CSMD3: variants seen among roughly 807,000 people sequenced by gnomAD.
CSMD3 encodes CUB and Sushi multiple domains 3, also known as CUB and sushi domain-containing protein 3.
CSMD3 carries 177 observed loss-of-function variants against 435.2 expected under a neutral mutation model. The observed-to-expected ratio is 0.41, with a 90% CI of 0.36 to 0.46. The LOEUF (loss-of-function observed/expected upper bound fraction) is 0.46, where lower values mean the gene tolerates loss of function less well. Ranked by LOEUF, CSMD3 falls within the 20% of genes least tolerant of loss-of-function variation. The pLI, the probability that CSMD3 is intolerant of heterozygous loss-of-function variation, is 0.34. For missense variants in CSMD3, 4,265 were observed against 4,504.6 expected (o/e 0.95, Z 1.52); for synonymous variants, 1,656 against 1,520.5 (o/e 1.09, Z -2.07).
chr8:112,398,672 G>A (rs1831058837), intron 35 of CSMD3, among the ~76,000 whole-genome samples: 2 of 152,174 alleles, frequency 1.3e-5, no homozygotes, highest in South Asian at 4.1e-4. Context: ...ATCAGAGCCT[G>A]AGGTTTAAGG....
intron 10 of CSMD3, among the ~76,000 whole-genome samples, chr8:112,907,884 G>A (rs1405888735): frequency 6.6e-6 from 1 of 151,268 alleles, no homozygotes; most frequent in African/African-American, 2.4e-5. Context: ...AATGTGAGAA[G>A]GAATGAACTG....
At position 112,224,692 on chromosome 8, in the gene CSMD3, A is replaced by T; in HGVS notation, c.*79T>A. On this transcript the variant is annotated 3_prime_UTR_variant, in exon 71 of 71. Coordinates refer to ENST00000297405, the MANE Select transcript of CSMD3 (RefSeq NM_198123.2). Reference sequence around the variant, plus strand: ...AGCAAGTCCTGAAAAGTGTGCTTTAATTTGTTTAGCAGTGAACTAAATGTG... The same window carrying T: ...AGCAAGTCCTGAAAAGTGTGCTTTATTTTGTTTAGCAGTGAACTAAATGTG... The T allele has an allele frequency of 6.9e-7, 1 of 1,442,616 alleles. No homozygotes were observed. The highest frequency in any genetic ancestry group is 9.8e-7 in the Non-Finnish European group (1 of 1,023,836). The allele number at this position is 1,442,616 out of a possible 1,614,324, so 89.4% of individuals were successfully genotyped here.
chr8:112,644,821 G>C (rs2074934236), intron 20 of CSMD3, among the ~76,000 whole-genome samples: 1 of 151,982 alleles, frequency 6.6e-6, no homozygotes, highest in Admixed American at 6.6e-5. Flanking sequence ...AAGCCCTCTT[G>C]TTTGAGGTTT....
intron 30 of CSMD3, among the ~76,000 whole-genome samples, chr8:112,500,868 C>T (rs141658764): frequency 3.3e-4 from 49 of 149,810 alleles, no homozygotes; most frequent in African/African-American, 1.2e-3. Flanking sequence ...AAGGAGAAGA[C>T]AATATAGCCC....
chr8:112,937,234 A>T (rs1429947175), intron 9 of CSMD3, among the ~76,000 whole-genome samples: 4 of 151,466 alleles, frequency 2.6e-5, no homozygotes, highest in Admixed American at 6.6e-5. Flanking sequence ...CTTGAAATAT[A>T]TTTTTTTTGT....
rs116844930 is a variant in CSMD3 at position 112,341,450 on chromosome 8, A to G, written c.6652+27T>C. On this transcript the variant is annotated intron_variant, in intron 42 of 70. Transcript: ENST00000297405. The stretch of plus-strand genomic sequence containing the variant: ...TAATAGCTGATTTGGGGTTATATAA[A>G]TTTTCATTTTTTATTATTTCTCTTA... 11,431 of 1,430,874 alleles carry G rather than the reference A, an allele frequency of 8.0e-3. 96 individuals are homozygous for G. Among genetic ancestry groups the G allele is most frequent in the Middle Eastern group, 0.034 (193 of 5,696 alleles). 88.6% of individuals were successfully genotyped at this position (1,430,874 alleles called of 1,614,324 possible). A position where few individuals can be genotyped will look rare whatever the true frequency, so the allele number is the denominator to read the frequency against.
chr8:113,328,157 G>A (rs373149211), intron 1 of CSMD3, among the ~76,000 whole-genome samples: 2 of 152,142 alleles, frequency 1.3e-5, no homozygotes, highest in Admixed American at 6.5e-5. Context: ...TGAAAGATGG[G>A]GCCGGGCGCG....
Position 112,920,995 on chromosome 8 carries a change from G to A in CSMD3, c.1633+632C>T, listed in dbSNP as rs543952081. ...TATATATGTACACACATACGCGCGCGCGCACACACACACACACACACACAC... is the reference window on the plus strand; with the variant it reads ...TATATATGTACACACATACGCGCGCACGCACACACACACACACACACACAC... On this transcript the variant is annotated intron_variant, in intron 10 of 70. Transcript: ENST00000297405. 1.0e-3 allele frequency among the ~76,000 whole-genome samples: 110 copies of A among 108,924 alleles called. 1 individual carries two copies. Among genetic ancestry groups the A allele is most frequent in the African/African-American group, 1.5e-3 (39 of 26,440 alleles). The allele number at this position is 108,924 out of a possible 152,430, so 71.5% of individuals were successfully genotyped here. A position where few individuals can be genotyped will look rare whatever the true frequency, so the allele number is the denominator to read the frequency against.
At chr8:112,740,582 T>C (rs1386448140) in intron 13 of CSMD3, among the ~76,000 whole-genome samples, 4 of 151,858 alleles carry the variant, frequency 2.6e-5, no homozygotes, top group Non-Finnish European at 5.9e-5. Flanking sequence ...TCTGTTAAAT[T>C]ACAAAAAAGA....
chr8:113,064,922 G>T (rs2131378185), intron 5 of CSMD3, among the ~76,000 whole-genome samples: 1 of 152,144 alleles, frequency 6.6e-6, no homozygotes, highest in South Asian at 2.1e-4. Context: ...AAAAATATGT[G>T]TCACAGATTA....
At chr8:112,281,923 C>A (rs566990365) in intron 58 of CSMD3, among the ~76,000 whole-genome samples, 5 of 152,036 alleles carry the variant, frequency 3.3e-5, no homozygotes, top group East Asian at 1.9e-4. Context: ...TATTAGTAAT[C>A]GTTTTCATTA....
At chr8:112,683,375 C>T (rs750140033) in intron 15 of CSMD3, among the ~76,000 whole-genome samples, 16 of 151,932 alleles carry the variant, frequency 1.1e-4, no homozygotes, top group East Asian at 5.8e-4. Context: ...TCCCCTGGAC[C>T]GGATTTTAAT....
intron 11 of CSMD3, among the ~76,000 whole-genome samples, chr8:112,851,510 C>T (rs373545190): frequency 6.6e-6 from 1 of 152,062 alleles, no homozygotes; most frequent in Non-Finnish European, 1.5e-5. Context: ...CTCATGCCTG[C>T]GATCCCAGCA....
chr8:112,304,657 T>A (rs1290223655), intron 52 of CSMD3, 64 bp downstream of exon 52: 3 of 1,213,852 alleles, frequency 2.5e-6, no homozygotes, highest in Non-Finnish European at 3.7e-6. Flanking sequence ...TGAAAGGAAC[T>A]GATTCAAACA....
intron 58 of CSMD3, among the ~76,000 whole-genome samples, chr8:112,281,620 G>A (rs1026288173): frequency 5.3e-5 from 8 of 152,126 alleles, no homozygotes; most frequent in African/African-American, 1.9e-4. Context: ...ATTATTCAAA[G>A]AGTACTGTAT....
chr8:112,975,688 G>T, intron 7 of CSMD3, 149 bp downstream of exon 7: 3 of 1,159,098 alleles, frequency 2.6e-6, no homozygotes, highest in South Asian at 3.0e-5. Context: ...AGTTTTGGTT[G>T]TTACTATCCA....
At position 112,901,513 on chromosome 8, in the gene CSMD3, A is replaced by AATTCT. The variant is rs2082108307; in HGVS notation, c.1633+20109_1633+20113dup. 2.0e-5 allele frequency among the ~76,000 whole-genome samples: 3 copies of AATTCT among 151,378 alleles called. No individual in the cohort carries two copies. In the South Asian group the frequency reaches 6.2e-4, roughly 31 times the overall value. On this transcript the variant is annotated intron_variant, in intron 10 of 70. Coordinates refer to ENST00000297405, the MANE Select transcript of CSMD3 (RefSeq NM_198123.2). ...AGAAACTGACTGAAGTACCTAGAAA[A>AATTCT]ATTCTTGAAATCCGCCATTGTACTG... is the stretch of plus-strand genomic sequence containing the variant.
intron 27 of CSMD3, among the ~76,000 whole-genome samples, chr8:112,523,815 G>A (rs1480873468): frequency 6.6e-6 from 1 of 152,030 alleles, no homozygotes; most frequent in Non-Finnish European, 1.5e-5. Context: ...ACTCAGAAAT[G>A]TGGCTATCTT....
At chr8:112,552,808 A>G in intron 25 of CSMD3, 88 bp from the exon 26 acceptor site, 1 of 1,187,588 alleles carries the variant, frequency 8.4e-7, no homozygotes, top group South Asian at 1.2e-5. Context: ...AGACAAAAGA[A>G]TACTGATTTT....
Sources: gnomAD v4.1 joint callset for allele counts (sites outside exome capture counted in the v4.1 genomes callset) on GRCh38, gnomAD v4.1.1 for gene constraint, MANE v1.5 for transcripts, NCBI Gene and HGNC (gene_info 2026-07-23, HGNC 2026-07-21) for gene names.